Variants in RPS6KA2 observed in about 807,000 individuals in gnomAD.
The protein encoded by RPS6KA2 is ribosomal protein S6 kinase A2, also known as ribosomal protein S6 kinase alpha-2.
RPS6KA2 carries 42 observed loss-of-function variants against 91.8 expected under a neutral mutation model. The observed-to-expected ratio is 0.46, with a 90% CI of 0.36 to 0.59. The LOEUF (loss-of-function observed/expected upper bound fraction) is 0.59. Among genes scored for constraint, RPS6KA2 ranks in the 20% least tolerant of loss-of-function variants. The probability of loss-of-function intolerance (pLI) is 0.00; values close to 1 mark genes in which losing one functional copy is unlikely to be tolerated. For synonymous variants in RPS6KA2, 414 were observed against 393.6 expected, an observed-to-expected ratio of 1.05 and a Z score of -0.61; for missense variants, 798 against 978.5, an observed-to-expected ratio of 0.82 and a Z score of 2.46.
In RPS6KA2 at chr6:166,533,774, A is replaced by C. The variant is rs532743183; in HGVS notation, c.217-2461T>G. 1.4e-4 allele frequency among the ~76,000 whole-genome samples: 22 copies of C among 152,292 alleles called. No homozygotes were observed. Among genetic ancestry groups the C allele is most frequent in the Non-Finnish European group, 2.4e-4 (16 of 68,022 alleles). ...AGCTGACATGTTAGCTCCCAAAATAAGGCATTCTTATAATCAGAAAACAAA... is the reference window on the plus strand; with the variant it reads ...AGCTGACATGTTAGCTCCCAAAATACGGCATTCTTATAATCAGAAAACAAA... On this transcript the variant is annotated intron_variant, in intron 2 of 20. Coordinates refer to ENST00000265678, the MANE Select transcript of RPS6KA2 (RefSeq NM_021135.6). This position sits in a 1 kb window ranked among gnomAD's most constrained non-coding sequence, Gnocchi z 4.0.
In RPS6KA2 at chr6:166,518,251, CAAA is replaced by C. The variant is rs11373431; in HGVS notation, c.299-7897_299-7895del. Among the ~76,000 whole-genome samples, 131 of 87,302 alleles carry C rather than the reference CAAA, an allele frequency of 1.5e-3. 2 individuals are homozygous for C. In the East Asian group the frequency reaches 0.017, roughly 12 times the overall value. The allele number at this position is 87,302 out of a possible 152,430, so 57.3% of individuals were successfully genotyped here. ...GGGTGACAGGAGTAAAACACTGCCTCAAAAAAAAAAAAAAAAAAAAAGCAATAA... is the reference window on the plus strand; with the variant it reads ...GGGTGACAGGAGTAAAACACTGCCTCAAAAAAAAAAAAAAAAAAGCAATAA... On this transcript the variant is annotated intron_variant, in intron 3 of 20. Transcript: ENST00000265678.
intron 2 of RPS6KA2, among the ~76,000 whole-genome samples, chr6:166,818,093 C>T (rs1258328365): frequency 6.6e-6 from 1 of 152,056 alleles, no homozygotes; most frequent in African/African-American, 2.4e-5. Context: ...GTGTGTTTCT[C>T]TTTAGAAATG....
At chr6:166,785,446 G>A (rs1288994072) in intron 2 of RPS6KA2, among the ~76,000 whole-genome samples, 2 of 152,206 alleles carry the variant, frequency 1.3e-5, no homozygotes, top group African/African-American at 2.4e-5. Context: ...TTACTTGAGG[G>A]TTTATTATTT....
intron 2 of RPS6KA2, among the ~76,000 whole-genome samples, chr6:166,808,243 T>C (rs1779542259): frequency 6.6e-6 from 1 of 152,184 alleles, no homozygotes; most frequent in Non-Finnish European, 1.5e-5. Flanking sequence ...GACAGACCTT[T>C]CTTGAAGCTG....
chr6:166,840,424 A>G lies in RPS6KA2; in HGVS notation c.123+17776T>C, dbSNP rs895243606. On this transcript the variant is annotated intron_variant, in intron 2 of 21. Transcript: ENST00000503859. ...ACCCTCTGTGGCTGAAAAACAGAGA[A>G]AGTTTGCCTGGCACAGACACATTCC... Among the ~76,000 whole-genome samples, 10 of 152,072 alleles carry G rather than the reference A, an allele frequency of 6.6e-5. 1 individual carries two copies. Among genetic ancestry groups the G allele is most frequent in the Non-Finnish European group, 1.0e-4 (7 of 68,008 alleles).
intron 2 of RPS6KA2, among the ~76,000 whole-genome samples, chr6:166,754,005 G>A (rs551710091): frequency 7.2e-5 from 11 of 152,124 alleles, no homozygotes; most frequent in Non-Finnish European, 1.0e-4. Flanking sequence ...TGTGCCGTCC[G>A]TCTTCCCGTG....
At chr6:166,810,353 C>T (rs543066185) in intron 2 of RPS6KA2, among the ~76,000 whole-genome samples, 2 of 152,224 alleles carry the variant, frequency 1.3e-5, no homozygotes, top group East Asian at 3.9e-4. Flanking sequence ...CTATAAGCAA[C>T]AGACTCGGGA....
intron 1 of RPS6KA2, among the ~76,000 whole-genome samples, chr6:166,586,882 C>G (rs111915241): frequency 4.0e-4 from 61 of 152,224 alleles, no homozygotes; most frequent in Non-Finnish European, 6.2e-4. Flanking sequence ...GACTGGGGCT[C>G]CCCTCAGCTG....
At chr6:166,816,231 C>A (rs888150262) in intron 2 of RPS6KA2, among the ~76,000 whole-genome samples, 1 of 151,782 alleles carries the variant, frequency 6.6e-6, no homozygotes, top group African/African-American at 2.4e-5. Context: ...CTTAGCATGC[C>A]CAGCATATTT....
At chr6:166,618,887 C>T (rs571810575) in intron 1 of RPS6KA2, among the ~76,000 whole-genome samples, 9 of 152,344 alleles carry the variant, frequency 5.9e-5, no homozygotes, top group Non-Finnish European at 1.0e-4. Flanking sequence ...GAGGTCTAGA[C>T]GCTTACAACC....
rs1328803458 is a variant in RPS6KA2, at chr6:166,488,410, G to GA, written c.907+422dup. Among the ~76,000 whole-genome samples the GA allele has an allele frequency of 6.5e-3, 989 of 152,116 alleles. 15 individuals are homozygous for GA. Among genetic ancestry groups the GA allele is most frequent in the African/African-American group, 0.023 (937 of 41,512 alleles). On this transcript the variant is annotated intron_variant, in intron 10 of 20. Transcript: ENST00000265678. ...ATCCTCAATACGCTGTCACATACAC[G>GA]AAAAGAAAATCAATCAGTAGTTAAA...
intron 1 of RPS6KA2, among the ~76,000 whole-genome samples, chr6:166,552,770 G>A (rs1784059805): frequency 6.6e-6 from 1 of 152,214 alleles, no homozygotes; most frequent in Admixed American, 6.5e-5. Context: ...CATCGAGGAT[G>A]CTATTTCCGA....
intron 2 of RPS6KA2, among the ~76,000 whole-genome samples, chr6:166,672,436 T>TC (rs1456952620): frequency 6.6e-6 from 1 of 152,162 alleles, no homozygotes; most frequent in Non-Finnish European, 1.5e-5. Context: ...TCCTGACCTG[T>TC]CCCCCTCGAG....
chr6:166,853,592 G>A (rs150239986), intron 2 of RPS6KA2, among the ~76,000 whole-genome samples: 187 of 150,060 alleles, frequency 1.2e-3, no homozygotes, highest in Middle Eastern at 3.4e-3. Flanking sequence ...GAGCGCAGCC[G>A]CCGCCACGTC....
At chr6:166,510,995 T>C (rs2128483180) in intron 3 of RPS6KA2, among the ~76,000 whole-genome samples, 1 of 152,248 alleles carries the variant, frequency 6.6e-6, no homozygotes, top group Non-Finnish European at 1.5e-5. Context: ...ATTTGCTTTC[T>C]AAAACTCTTG....
At chr6:166,451,081 C>A in intron 13 of RPS6KA2, 22 bp downstream of exon 13, 1 of 1,613,594 alleles carries the variant, frequency 6.2e-7, no homozygotes, top group South Asian at 1.1e-5. Flanking sequence ...ACCCCCAACC[C>A]ACTGCAGGCA....
chr6:166,606,844 G>GA (rs976792559), intron 1 of RPS6KA2, among the ~76,000 whole-genome samples: 18 of 151,962 alleles, frequency 1.2e-4, no homozygotes, highest in South Asian at 8.3e-4. Context: ...AACAAGTGGG[G>GA]AAAAAATGGA....
At chr6:166,785,286 C>A (rs1489664479) in intron 2 of RPS6KA2, among the ~76,000 whole-genome samples, 1 of 152,196 alleles carries the variant, frequency 6.6e-6, no homozygotes, top group African/African-American at 2.4e-5. Context: ...CCTCATGTGC[C>A]ACCCCCCACT....
intron 16 of RPS6KA2, among the ~76,000 whole-genome samples, chr6:166,427,421 T>A (rs1045370991): frequency 6.6e-6 from 1 of 152,196 alleles, no homozygotes; most frequent in African/African-American, 2.4e-5. Context: ...TCATCACTCC[T>A]ATTCAACATA....
Sources: gnomAD v4.1 joint callset for allele counts (sites outside exome capture counted in the v4.1 genomes callset) on GRCh38, gnomAD v4.1.1 for gene constraint, Gnocchi (gnomAD v3.1) non-coding constraint, MANE v1.5 for transcripts, NCBI Gene and HGNC (gene_info 2026-07-23, HGNC 2026-07-21) for gene names.